Variants in ALOX5 observed in about 807,000 individuals in gnomAD.
The protein encoded by ALOX5 is polyunsaturated fatty acid 5-lipoxygenase.
Under a neutral mutation model 87.9 loss-of-function variants are expected in ALOX5, and 64 were observed. That is an observed-to-expected ratio of 0.73 (90% confidence interval 0.60 to 0.90). The LOEUF is 0.90. Among genes scored for constraint, ALOX5 ranks in the 40% least tolerant of loss-of-function variants. ALOX5 has a pLI of 0.00. For missense variants in ALOX5, 822 were observed against 907.5 expected, an observed-to-expected ratio of 0.91 and a Z score of 1.21; for synonymous variants, 388 against 355.1, an observed-to-expected ratio of 1.09 and a Z score of -1.04.
In ALOX5 at chr10:45,443,720, C is replaced by A. The variant is rs757537097; in HGVS notation, c.1574-8C>A. 1 of 1,610,724 alleles carries A rather than the reference C, an allele frequency of 6.2e-7. No homozygotes were observed. The highest frequency in any genetic ancestry group is 8.5e-7 in the Non-Finnish European group (1 of 1,178,876). On this transcript the variant is annotated splice_region_variant and splice_polypyrimidine_tract_variant and intron_variant, in intron 11 of 13. Coordinates refer to ENST00000374391, the MANE Select transcript of ALOX5 (RefSeq NM_000698.5). Reference sequence around the variant, plus strand: ...CTGGGCCTCAGCCCGCCGGTGGTTCCACCCTAGGCTTCCCCAAGTCGGTCA... The same window carrying A: ...CTGGGCCTCAGCCCGCCGGTGGTTCAACCCTAGGCTTCCCCAAGTCGGTCA...
intron 3 of ALOX5, among the ~76,000 whole-genome samples, chr10:45,398,285 T>G (rs1200349205): frequency 6.6e-6 from 1 of 152,214 alleles, no homozygotes; most frequent in Non-Finnish European, 1.5e-5. Context: ...CAAAACTGGA[T>G]AGCCACATGC....
At chr10:45,434,638 G>C (rs566680933) in intron 7 of ALOX5, among the ~76,000 whole-genome samples, 1 of 152,342 alleles carries the variant, frequency 6.6e-6, no homozygotes, top group Non-Finnish European at 1.5e-5. Flanking sequence ...AAGGCAATGG[G>C]CATGGTCTCA....
chr10:45,401,651 C>A (rs1840702301), intron 3 of ALOX5, among the ~76,000 whole-genome samples: 1 of 152,166 alleles, frequency 6.6e-6, no homozygotes, highest in African/African-American at 2.4e-5. Flanking sequence ...TTCACTTAAA[C>A]ACCCAGCTTC....
chr10:45,412,057 A>G (rs1841082330), intron 3 of ALOX5, 134 bp from the exon 4 acceptor site: 5 of 1,308,090 alleles, frequency 3.8e-6, no homozygotes, highest in Non-Finnish European at 3.2e-6. Flanking sequence ...GGGTCAGCCT[A>G]TGATGTGTTG....
At chr10:45,428,487 G>GTA in intron 6 of ALOX5, 131 bp from the exon 7 acceptor site, 1 of 1,165,344 alleles carries the variant, frequency 8.6e-7, no homozygotes, top group Non-Finnish European at 1.2e-6. Flanking sequence ...GAGGAGAGAA[G>GTA]TACACATTCT....
chr10:45,389,610 G>A (rs1840135034), intron 2 of ALOX5, among the ~76,000 whole-genome samples: 1 of 152,144 alleles, frequency 6.6e-6, no homozygotes. Flanking sequence ...ATAAGTGAAG[G>A]AGAAATAAAA....
intron 3 of ALOX5, among the ~76,000 whole-genome samples, chr10:45,402,735 G>C (rs1840747304): frequency 6.6e-6 from 1 of 152,218 alleles, no homozygotes; most frequent in Non-Finnish European, 1.5e-5. Flanking sequence ...GACACCAGGA[G>C]AGAGTGAAGG....
At chr10:45,442,888 C>A in intron 9 of ALOX5, 150 bp from the exon 10 acceptor site, 2 of 793,258 alleles carry the variant, frequency 2.5e-6, no homozygotes, top group South Asian at 1.8e-5. Context: ...TCATTCTCTG[C>A]GTTAAACATC....
chr10:45,391,968 A>T (rs1478434228), intron 2 of ALOX5, among the ~76,000 whole-genome samples: 2 of 147,468 alleles, frequency 1.4e-5, no homozygotes, highest in East Asian at 4.1e-4. Context: ...CCCGGCAGCC[A>T]CCCTGTCCGG....
intron 6 of ALOX5, 166 bp from the exon 7 acceptor site, chr10:45,428,452 T>G: frequency 1.2e-6 from 1 of 834,288 alleles, no homozygotes; most frequent in African/African-American, 1.7e-5. Flanking sequence ...ACACCTTCCA[T>G]GTGAATCAAT....
At chr10:45,409,360 T>C (rs1264912986) in intron 3 of ALOX5, among the ~76,000 whole-genome samples, 1 of 152,272 alleles carries the variant, frequency 6.6e-6, no homozygotes, top group East Asian at 1.9e-4. Context: ...TTTCTTTTAA[T>C]ACAAGAGACC....
chr10:45,429,095 C>A (rs1265312758), intron 7 of ALOX5, among the ~76,000 whole-genome samples: 1 of 152,146 alleles, frequency 6.6e-6, no homozygotes, highest in Non-Finnish European at 1.5e-5. Context: ...AGCTGGAGAC[C>A]AAGACCACTG....
At position 45,441,410 on chromosome 10, in the gene ALOX5, G is replaced by C; in HGVS notation, c.1252G>C (p.Glu418Gln). 1 of 1,613,506 alleles carries C rather than the reference G, an allele frequency of 6.2e-7. No individual in the cohort carries two copies. Among genetic ancestry groups the C allele is most frequent in the Non-Finnish European group, 8.5e-7 (1 of 1,179,564 alleles). Reference sequence around the variant, plus strand: ...CAAGGCCCGTGAGCAGCTCATCTGCGAGTGTGGCCTCTTTGACAAGGTGGG... The same window carrying C: ...CAAGGCCCGTGAGCAGCTCATCTGCCAGTGTGGCCTCTTTGACAAGGTGGG... ...NTKAREQLICECGLFDKANAT... is the reference protein window; with the variant it reads ...NTKAREQLICQCGLFDKANAT... Residue 418 changes from glutamate to glutamine, a missense_variant, in exon 9 of 14, where the codon GAG becomes CAG. Coordinates refer to ENST00000374391, the MANE Select transcript of ALOX5 (RefSeq NM_000698.5).
Position 45,414,199 on chromosome 10 carries a change from T to C in ALOX5, c.554+1886T>C, listed in dbSNP as rs1841180088. On this transcript the variant is annotated intron_variant, in intron 4 of 13. Coordinates refer to ENST00000374391, the MANE Select transcript of ALOX5 (RefSeq NM_000698.5). Reference sequence around the variant, plus strand: ...CTGACTTCAAACCATACTACGAGGCTACAGTAACCAAAACAGCATGGCACT... The same window carrying C: ...CTGACTTCAAACCATACTACGAGGCCACAGTAACCAAAACAGCATGGCACT... 2.0e-5 allele frequency among the ~76,000 whole-genome samples: 3 copies of C among 152,302 alleles called. No homozygotes were observed. The South Asian group carries it at 6.2e-4, about 32-fold the overall frequency.
chr10:45,376,901 G>C (rs557732794), intron 1 of ALOX5, among the ~76,000 whole-genome samples: 25 of 152,252 alleles, frequency 1.6e-4, no homozygotes, highest in African/African-American at 5.5e-4. Flanking sequence ...AGAAAGCCGG[G>C]ATCCTACACA....
rs1328385924 is a variant in ALOX5 at position 45,424,962 on chromosome 10, C to T, written c.664C>T (p.Arg222Trp). 4 of 1,614,052 alleles carry T rather than the reference C, an allele frequency of 2.5e-6. No individual in the cohort carries two copies. Among genetic ancestry groups the T allele is most frequent in the African/African-American group, 1.3e-5 (1 of 75,046 alleles). The change falls in exon 6 of 14, where the codon CGG becomes TGG. Residue 222 changes from arginine (R) to tryptophan (W), a missense_variant and splice_region_variant. Physicochemically the swap from Arg to Trp is moderately radical, Grantham distance 101. Coordinates refer to ENST00000374391, the MANE Select transcript of ALOX5 (RefSeq NM_000698.5). ...GGGCCTCGCTTTTCTCCTGGTAGAG[C>T]GGGTCATGAATCACTGGCAGGAAGA... ...FVKISNTISE[R>W]VMNHWQEDLM...
chr10:45,387,602 C>A (rs960162406), intron 2 of ALOX5, among the ~76,000 whole-genome samples: 2 of 152,092 alleles, frequency 1.3e-5, no homozygotes, highest in Admixed American at 6.5e-5. Context: ...GAAATGCACA[C>A]GCAGGCCAGA....
At chr10:45,380,230 A>G (rs1839779389) in intron 1 of ALOX5, among the ~76,000 whole-genome samples, 1 of 152,188 alleles carries the variant, frequency 6.6e-6, no homozygotes, top group African/African-American at 2.4e-5. Flanking sequence ...CAGGAGGGGC[A>G]TTGTCGTGGG....
intron 3 of ALOX5, among the ~76,000 whole-genome samples, chr10:45,401,604 T>C (rs575205736): frequency 3.3e-5 from 5 of 152,300 alleles, no homozygotes; most frequent in African/African-American, 1.2e-4. Flanking sequence ...ATTATTCTAG[T>C]TTCTATGTAC....
Sources: gnomAD v4.1 joint callset for allele counts (sites outside exome capture counted in the v4.1 genomes callset) on GRCh38, gnomAD v4.1.1 for gene constraint, MANE v1.5 for transcripts, NCBI Gene and HGNC (gene_info 2026-07-23, HGNC 2026-07-21) for gene names.